The following SLC10A7 variants were observed in gnomAD, a reference collection of about 807,000 sequenced individuals.
SLC10A7 encodes the protein sodium/bile acid cotransporter 7.
A neutral mutation model predicts 43.2 loss-of-function variants in SLC10A7; 29 were observed. The observed-to-expected ratio is 0.67, with a 90% CI of 0.50 to 0.92. SLC10A7 has a LOEUF of 0.92. SLC10A7 is among the 40% of genes least tolerant of loss of function. SLC10A7 has a pLI of 0.00. For missense variants in SLC10A7, 295 were observed against 403.2 expected (o/e 0.73, Z 2.30); for synonymous variants, 152 against 144.8 (o/e 1.05, Z -0.35).
intron 5 of SLC10A7, among the ~76,000 whole-genome samples, chr4:146,376,922 C>A (rs972614028): frequency 3.9e-5 from 6 of 151,924 alleles, no homozygotes. Context: ...GAGGCAAAGG[C>A]AGAGGAGAAC....
intron 11 of SLC10A7, 142 bp from the exon 12 acceptor site, chr4:146,256,662 C>A: frequency 9.4e-7 from 1 of 1,068,686 alleles, no homozygotes; most frequent in South Asian, 1.4e-5. Flanking sequence ...ATCCAAACCT[C>A]TGGATACAAA....
chr4:146,385,561 A>AT (rs1280910371), intron 5 of SLC10A7, among the ~76,000 whole-genome samples: 1 of 151,892 alleles, frequency 6.6e-6, no homozygotes. Flanking sequence ...ATACATTTTG[A>AT]TTTTTTCCCT....
At chr4:146,516,462 GTGTATATGTATATGTGTATATA>G (rs1737979948) in intron 2 of SLC10A7, among the ~76,000 whole-genome samples, 1 of 145,562 alleles carries the variant, frequency 6.9e-6, no homozygotes, top group Non-Finnish European at 1.5e-5. Flanking sequence ...ATATATGTAT[GTGTATATGTATATGTGTATATA>G]TATACACATA....
Position 146,448,316 on chromosome 4 carries a change from G to A in SLC10A7, c.397-5495C>T, listed in dbSNP as rs188604221. 3.9e-5 allele frequency among the ~76,000 whole-genome samples: 6 copies of A among 152,154 alleles called. No individual in the cohort carries two copies. The East Asian group carries it at 7.7e-4, about 20-fold the overall frequency. On this transcript the variant is annotated intron_variant, in intron 4 of 11. Coordinates refer to ENST00000335472, the MANE Select transcript of SLC10A7 (RefSeq NM_001029998.6). The stretch of plus-strand genomic sequence containing the variant: ...AAGCAAGCTCTTTCATTGCTGAAAG[G>A]CTCTAAACGTTATGTTCTACCTTAA...
At chr4:146,326,096 C>T in intron 5 of SLC10A7, 100 bp from the exon 6 acceptor site, 1 of 941,808 alleles carries the variant, frequency 1.1e-6, no homozygotes. Context: ...CTTATCTTCT[C>T]ACTGCTGTTT....
At chr4:146,268,395 A>G (rs1728693650) in intron 10 of SLC10A7, among the ~76,000 whole-genome samples, 1 of 152,218 alleles carries the variant, frequency 6.6e-6, no homozygotes, top group South Asian at 2.1e-4. Flanking sequence ...TAAGGCCATT[A>G]TTAAAAGAAA....
intron 5 of SLC10A7, among the ~76,000 whole-genome samples, chr4:146,350,522 AG>A (rs1163726363): frequency 2.8e-5 from 4 of 144,328 alleles, no homozygotes; most frequent in African/African-American, 1.1e-4. Flanking sequence ...AACTGGGTGG[AG>A]CCCACCACAG....
At chr4:146,337,457 A>T (rs1358984282) in intron 5 of SLC10A7, among the ~76,000 whole-genome samples, 3 of 152,012 alleles carry the variant, frequency 2.0e-5, no homozygotes, top group East Asian at 1.9e-4. Context: ...TGTCAAGAGG[A>T]TCATTTCACA....
chr4:146,277,889 A>C (rs1729309121), intron 10 of SLC10A7, among the ~76,000 whole-genome samples: 1 of 152,194 alleles, frequency 6.6e-6, no homozygotes, highest in Non-Finnish European at 1.5e-5. Context: ...GTATCAGTTT[A>C]TGACTGGGCC....
chr4:146,348,766 A>T (rs1170596818), intron 5 of SLC10A7, among the ~76,000 whole-genome samples: 1 of 152,188 alleles, frequency 6.6e-6, no homozygotes, highest in Non-Finnish European at 1.5e-5. Flanking sequence ...ATTTTTATAA[A>T]ATAATTTACT....
rs1560995747 is a variant in SLC10A7, at chr4:146,521,914, G to C, written c.-197C>G. 1 of 524,872 alleles carries C rather than the reference G, an allele frequency of 1.9e-6. No homozygotes were observed. Among genetic ancestry groups the C allele is most frequent in the Non-Finnish European group, 3.4e-6 (1 of 295,026 alleles). 32.5% of individuals were successfully genotyped at this position (524,872 alleles called of 1,614,324 possible). On this transcript the variant is annotated 5_prime_UTR_variant, in exon 1 of 12. Transcript: ENST00000335472. ...TTGAGGAGGGTTGGGAGTAGTAGTA[G>C]CCAGTGACAGGAAAGTCTCACTGAG...
At chr4:146,507,709 C>T (rs1420650177) in intron 3 of SLC10A7, among the ~76,000 whole-genome samples, 1 of 152,234 alleles carries the variant, frequency 6.6e-6, no homozygotes, top group African/African-American at 2.4e-5. Context: ...TTCCCTCTAC[C>T]TCACTCTGTC....
At chr4:146,369,274 G>T (rs1334729692) in intron 5 of SLC10A7, among the ~76,000 whole-genome samples, 1 of 152,096 alleles carries the variant, frequency 6.6e-6, no homozygotes, top group Non-Finnish European at 1.5e-5. Context: ...GTAAAACAGT[G>T]ATAACAACAG....
chr4:146,415,010 G>A (rs1209451152), intron 5 of SLC10A7, among the ~76,000 whole-genome samples: 1 of 152,022 alleles, frequency 6.6e-6, no homozygotes, highest in Admixed American at 6.6e-5. Flanking sequence ...TAATTCAATG[G>A]ATATTCAAAT....
intron 5 of SLC10A7, among the ~76,000 whole-genome samples, chr4:146,331,577 T>C (rs916168831): frequency 6.6e-6 from 1 of 152,234 alleles, no homozygotes; most frequent in Non-Finnish European, 1.5e-5. Flanking sequence ...ACCATCCTGA[T>C]GGTTTCCTCA....
At chr4:146,348,015 C>T (rs1293925905) in intron 5 of SLC10A7, among the ~76,000 whole-genome samples, 3 of 152,108 alleles carry the variant, frequency 2.0e-5, no homozygotes, top group Non-Finnish European at 2.9e-5. Flanking sequence ...ACAAGAAAGG[C>T]TGACATCAGC....
At chr4:146,357,959 T>C (rs1174742058) in intron 5 of SLC10A7, among the ~76,000 whole-genome samples, 2 of 151,824 alleles carry the variant, frequency 1.3e-5, no homozygotes, top group South Asian at 2.1e-4. Flanking sequence ...AGGAGATCAA[T>C]AGGAGTCAAG....
At chr4:146,466,085 A>T (rs994259543) in intron 4 of SLC10A7, among the ~76,000 whole-genome samples, 11 of 152,058 alleles carry the variant, frequency 7.2e-5, no homozygotes, top group Non-Finnish European at 1.2e-4. Context: ...TCCCTTAACT[A>T]CTCCTTACAT....
intron 7 of SLC10A7, among the ~76,000 whole-genome samples, chr4:146,298,906 G>A (rs1730967638): frequency 6.6e-6 from 1 of 152,182 alleles, no homozygotes. Flanking sequence ...GCCAAGCAGT[G>A]AGGAAGACCA....
Sources: allele counts gnomAD v4.1 joint callset (sites outside exome capture counted in the v4.1 genomes callset), GRCh38; gene constraint gnomAD v4.1.1; transcripts MANE v1.5; gene names NCBI Gene and HGNC (gene_info 2026-07-23, HGNC 2026-07-21).